SNAPC5: variants seen among roughly 807,000 people sequenced by gnomAD.
SNAPC5 encodes snRNA-activating protein complex subunit 5.
SNAPC5 carries 12 observed loss-of-function variants against 9.1 expected under a neutral mutation model. The observed-to-expected ratio is 1.32, with a 90% CI of 0.85 to 2.15. SNAPC5 has a LOEUF of 2.15. SNAPC5 is among the 30% of genes most tolerant of loss of function. The probability of loss-of-function intolerance (pLI) is 0.00; values close to 1 mark genes in which losing one functional copy is unlikely to be tolerated. For missense variants in SNAPC5, 132 were observed against 114.4 expected, an observed-to-expected ratio of 1.15 and a Z score of -0.70; for synonymous variants, 52 against 47.3, an observed-to-expected ratio of 1.10 and a Z score of -0.41.
chr15:66,494,786 G>T, intron 2 of SNAPC5: 1 of 450,158 alleles, frequency 2.2e-6, no homozygotes, highest in Non-Finnish European at 4.0e-6. Context: ...ATTACACAAA[G>T]CTCCATAAGA....
intron 2 of SNAPC5, 150 bp from the exon 3 acceptor site, chr15:66,494,702 C>T: frequency 1.7e-6 from 1 of 588,452 alleles, no homozygotes; most frequent in South Asian, 2.2e-5. Flanking sequence ...TTTTATACCC[C>T]CACCTCCATT....
rs146521201 is a variant in SNAPC5, at chr15:66,497,670, G to A, written c.62C>T (p.Ala21Val). 31 of 1,613,868 alleles carry A rather than the reference G, an allele frequency of 1.9e-5. No individual in the cohort carries two copies. The highest frequency in any genetic ancestry group is 2.4e-5 in the Non-Finnish European group (28 of 1,179,988). Residue 21 changes from alanine (A) to valine (V), a missense_variant, in exon 1 of 3, where the codon GCC (alanine) becomes GTC (valine). Ala to Val is a moderately conservative substitution (Grantham distance 64). Coordinates refer to ENST00000316634, the MANE Select transcript of SNAPC5 (RefSeq NM_001329615.2). ...EEETLLRLKA[A>V]LHDQLNRLKV... ...GAGGCGGTTCAGCTGGTCGTGCAGG[G>A]CTGCCTTCAACCGCAGCAGCGTCTC...
At chr15:66,496,850 G>C (rs568655727) in intron 1 of SNAPC5, 4 of 152,460 alleles carry the variant, frequency 2.6e-5, no homozygotes, top group African/African-American at 7.2e-5. Flanking sequence ...AATTAGCCGG[G>C]CGTGGTGGTG....
At chr15:66,497,010 G>A (rs1893460069) in intron 1 of SNAPC5, 1 of 155,312 alleles carries the variant, frequency 6.4e-6, no homozygotes, top group African/African-American at 2.4e-5. Flanking sequence ...TAGAGACGAG[G>A]TCTCACTATA....
At chr15:66,492,570 C>T (rs759370273), downstream of SNAPC5, among the ~76,000 whole-genome samples, 9 of 152,168 alleles carry the variant, frequency 5.9e-5, no homozygotes, top group Non-Finnish European at 1.3e-4. Context: ...GATACCACCA[C>T]TACTGAGAAT....
chr15:66,494,583 AG>A (rs1567030735), intron 2 of SNAPC5, 31 bp from the exon 3 acceptor site: 1 of 1,502,774 alleles, frequency 6.7e-7, no homozygotes, highest in East Asian at 2.3e-5. Flanking sequence ...ACAGATTAGC[AG>A]GAAAGATGCT....
chr15:66,496,187 C>T (rs948361039), intron 1 of SNAPC5, among the ~76,000 whole-genome samples: 3 of 152,082 alleles, frequency 2.0e-5, no homozygotes, highest in Admixed American at 6.5e-5. Flanking sequence ...GAAAAAGGGC[C>T]GAGCCCAGTG....
chr15:66,497,344 G>T (rs904855804), intron 1 of SNAPC5: 80 of 545,898 alleles, frequency 1.5e-4, no homozygotes, highest in African/African-American at 1.4e-3. Context: ...TGCTGTCTGA[G>T]GGCGATGAAC....
At chr15:66,490,386 G>A (rs749808797), downstream of SNAPC5, 1 of 811,890 alleles carries the variant, frequency 1.2e-6, no homozygotes. Flanking sequence ...GGTGCCAGGT[G>A]CTCTTTCCAA....
Position 66,494,296 on chromosome 15 carries a change from ACTACACATCCTCCTT to A in SNAPC5, c.*125_*139del, listed in dbSNP as rs2140697597. On this transcript the variant is annotated 3_prime_UTR_variant, in exon 3 of 3. Transcript: ENST00000316634. ...AGTTACCGATGGAGCCATTTTTGCA[ACTACACATCCTCCTT>A]ATAGTTCTTGCTTTCCTTTCAAGCA... The A allele has an allele frequency of 1.5e-6, 1 of 658,824 alleles. No homozygotes were observed. Among genetic ancestry groups the A allele is most frequent in the African/African-American group, 1.8e-5 (1 of 55,554 alleles). 40.8% of individuals were successfully genotyped at this position (658,824 alleles called of 1,614,324 possible). A position where few individuals can be genotyped will look rare whatever the true frequency, so the allele number is the denominator to read the frequency against.
At chr15:66,492,689 A>AT (rs879621929), downstream of SNAPC5, among the ~76,000 whole-genome samples, 121 of 147,776 alleles carry the variant, frequency 8.2e-4, no homozygotes, top group Middle Eastern at 3.5e-3. Flanking sequence ...GGGTGTTTAG[A>AT]TTTTTTTTTT....
chr15:66,497,741 T>C lies in SNAPC5; in HGVS notation c.-10A>G, dbSNP rs774812026. On this transcript the variant is annotated 5_prime_UTR_variant, in exon 1 of 3. It removes the in-frame stop codon of an upstream open reading frame in the 5' UTR. Transcript: ENST00000316634. ...GAAGCCGGCTCAGCATGTTGCCTGG[T>C]CACATAGCCAACCTCCGGGCTGCTG... is the stretch of plus-strand genomic sequence containing the variant. 4 of 1,605,864 alleles carry C rather than the reference T, an allele frequency of 2.5e-6. No homozygotes were observed. The highest frequency in any genetic ancestry group is 3.4e-6 in the Non-Finnish European group (4 of 1,174,558).
chr15:66,493,300 A>G (rs529375510), downstream of SNAPC5, among the ~76,000 whole-genome samples: 33 of 152,298 alleles, frequency 2.2e-4, no homozygotes, highest in Admixed American at 1.3e-3. Context: ...TGCAGAAATG[A>G]ACCTCAACTT....
intron 2 of SNAPC5, 199 bp downstream of exon 2, chr15:66,495,131 T>C: frequency 1.7e-6 from 1 of 589,796 alleles, no homozygotes; most frequent in South Asian, 2.0e-5. Context: ...AACTACTTAA[T>C]TAATTAGTGT....
intron 1 of SNAPC5, among the ~76,000 whole-genome samples, 162 bp from the exon 2 acceptor site, chr15:66,495,581 TTC>T (rs1016128927): frequency 9.2e-5 from 14 of 152,350 alleles, no homozygotes; most frequent in Non-Finnish European, 1.6e-4. Context: ...CTCTTAGGTT[TTC>T]TCTCTTTTAA....
Position 66,495,031 on chromosome 15 carries a change from A to G in SNAPC5, c.180+299T>C, listed in dbSNP as rs1207193419. ...TTCACAAAAAATCAAGAGTTTTGAC[A>G]TCGTCCTACAAAAATCTCCACTCTC... On this transcript the variant is annotated intron_variant, in intron 2 of 2. Coordinates refer to ENST00000316634, the MANE Select transcript of SNAPC5 (RefSeq NM_001329615.2). 1.4e-5 allele frequency: 6 copies of G among 415,840 alleles called. No individual in the cohort carries two copies. In the East Asian group the frequency reaches 1.8e-4, roughly 13 times the overall value. 25.8% of individuals were successfully genotyped at this position (415,840 alleles called of 1,614,324 possible).
Position 66,495,318 on chromosome 15 carries a change from G to A in SNAPC5, c.180+12C>T. 1 of 1,499,080 alleles carries A rather than the reference G, an allele frequency of 6.7e-7. No homozygotes were observed. Among genetic ancestry groups the A allele is most frequent in the Non-Finnish European group, 9.3e-7 (1 of 1,074,728 alleles). 92.9% of individuals were successfully genotyped at this position (1,499,080 alleles called of 1,614,324 possible). A position where few individuals can be genotyped will look rare whatever the true frequency, so the allele number is the denominator to read the frequency against. Reference sequence around the variant, plus strand: ...TGCATTCTCTCCTAGGCCTGCACTTGATTAAGCTTACATCATGTGACTGTT... The same window carrying A: ...TGCATTCTCTCCTAGGCCTGCACTTAATTAAGCTTACATCATGTGACTGTT... On this transcript the variant is annotated intron_variant, in intron 2 of 2. Coordinates refer to ENST00000316634, the MANE Select transcript of SNAPC5 (RefSeq NM_001329615.2).
intron 1 of SNAPC5, among the ~76,000 whole-genome samples, chr15:66,497,249 A>C (rs979273830): frequency 1.3e-5 from 2 of 152,114 alleles, no homozygotes; most frequent in African/African-American, 4.8e-5. Context: ...GCGCCAAAAC[A>C]AACTAGAAAA....
downstream of SNAPC5, chr15:66,492,370 T>G: frequency 5.1e-6 from 1 of 196,232 alleles, no homozygotes; most frequent in Non-Finnish European, 1.1e-5. Flanking sequence ...GTACCAGAGC[T>G]TGGGATATTG....
Sources: gnomAD v4.1 joint callset for allele counts (sites outside exome capture counted in the v4.1 genomes callset) on GRCh38, gnomAD v4.1.1 for gene constraint, MANE v1.5 for transcripts, NCBI Gene and HGNC (gene_info 2026-07-23, HGNC 2026-07-21) for gene names.